The following ROBO1 variants were observed in gnomAD, a reference collection of about 807,000 sequenced individuals.
ROBO1 encodes the protein roundabout guidance receptor 1.
A neutral mutation model predicts 195.9 loss-of-function variants in ROBO1; 149 were observed. The ratio of observed to expected loss-of-function variants is 0.76; its 90% CI spans 0.67 to 0.87. ROBO1 has a LOEUF of 0.87. ROBO1 is among the 40% of genes least tolerant of loss of function. The pLI, the probability that ROBO1 is intolerant of heterozygous loss-of-function variation, is 0.00. For missense variants in ROBO1, 1,933 were observed against 2,068.3 expected, an observed-to-expected ratio of 0.93 and a Z score of 1.27; for synonymous variants, 816 against 733.2, an observed-to-expected ratio of 1.11 and a Z score of -1.82.
chr3:78,644,493 C>G (rs1394063888), intron 21 of ROBO1, among the ~76,000 whole-genome samples: 2 of 152,038 alleles, frequency 1.3e-5, no homozygotes, highest in Non-Finnish European at 2.9e-5. Context: ...GAACTGTTGC[C>G]TCCGTAACAT....
At chr3:79,720,864 C>T (rs1702667706) in intron 1 of ROBO1, among the ~76,000 whole-genome samples, 1 of 150,638 alleles carries the variant, frequency 6.6e-6, no homozygotes, top group East Asian at 2.0e-4. Context: ...GCGATCTCGG[C>T]TCACTGCAAG....
At chr3:78,707,052 T>G (rs968688238) in intron 8 of ROBO1, among the ~76,000 whole-genome samples, 1 of 152,148 alleles carries the variant, frequency 6.6e-6, no homozygotes, top group African/African-American at 2.4e-5. Flanking sequence ...ACTTAAAGAC[T>G]CAGACAAACC....
intron 5 of ROBO1, among the ~76,000 whole-genome samples, chr3:78,724,451 G>A (rs554459480): frequency 2.4e-3 from 365 of 150,874 alleles, no homozygotes; most frequent in Non-Finnish European, 4.2e-3. Flanking sequence ...AGAGGTGGGC[G>A]GATCACCTGA....
intron 2 of ROBO1, among the ~76,000 whole-genome samples, chr3:79,181,520 G>T (rs962801958): frequency 6.6e-6 from 1 of 152,140 alleles, no homozygotes; most frequent in African/African-American, 2.4e-5. Context: ...GATTTCTCTG[G>T]TGTGTAGTGT....
intron 28 of ROBO1, among the ~76,000 whole-genome samples, chr3:78,613,176 C>T (rs548418037): frequency 3.3e-4 from 50 of 151,842 alleles, no homozygotes; most frequent in Admixed American, 1.4e-3. Flanking sequence ...CCAGATTCCC[C>T]TTTGAACAAG....
intron 2 of ROBO1, among the ~76,000 whole-genome samples, chr3:79,555,232 T>C (rs1301403189): frequency 1.3e-5 from 2 of 152,130 alleles, no homozygotes; most frequent in African/African-American, 4.8e-5. Flanking sequence ...CTCATATTAT[T>C]TGGTCAAGTC....
intron 3 of ROBO1, among the ~76,000 whole-genome samples, chr3:78,991,392 G>A (rs1471835765): frequency 6.6e-6 from 1 of 152,168 alleles, no homozygotes; most frequent in Non-Finnish European, 1.5e-5. Flanking sequence ...AGGAACTTTG[G>A]AAGATGGATG....
chr3:79,273,557 G>T (rs914291476), intron 2 of ROBO1, among the ~76,000 whole-genome samples: 1 of 151,792 alleles, frequency 6.6e-6, no homozygotes, highest in Non-Finnish European at 1.5e-5. Flanking sequence ...CCTATCACAA[G>T]ATAAAATCAC....
intron 4 of ROBO1, among the ~76,000 whole-genome samples, chr3:78,791,299 T>C (rs549617371): frequency 6.6e-6 from 1 of 152,290 alleles, no homozygotes; most frequent in South Asian, 2.1e-4. Flanking sequence ...CTCTCTCCTA[T>C]AGATTAAAAT....
chr3:79,627,815 C>A (rs1300451041), intron 1 of ROBO1, among the ~76,000 whole-genome samples: 1 of 152,032 alleles, frequency 6.6e-6, no homozygotes, highest in Non-Finnish European at 1.5e-5. Flanking sequence ...AAAAAAGCAA[C>A]CCCATCAAAA....
intron 3 of ROBO1, among the ~76,000 whole-genome samples, chr3:78,975,015 A>G (rs1229857831): frequency 1.3e-5 from 2 of 152,120 alleles, no homozygotes. Context: ...ATTAAATCAG[A>G]GCCAGAAAGT....
At chr3:79,711,028 T>C (rs956887224) in intron 1 of ROBO1, among the ~76,000 whole-genome samples, 10 of 152,186 alleles carry the variant, frequency 6.6e-5, no homozygotes, top group Non-Finnish European at 2.9e-5. Flanking sequence ...GAATGAATAC[T>C]GATAACCTTT....
At chr3:79,492,113 A>G (rs926794856) in intron 2 of ROBO1, among the ~76,000 whole-genome samples, 10 of 152,036 alleles carry the variant, frequency 6.6e-5, no homozygotes, top group Non-Finnish European at 1.5e-4. Context: ...TTGAATTAGG[A>G]CGTAGTTTTG....
intron 4 of ROBO1, among the ~76,000 whole-genome samples, chr3:78,865,440 T>C (rs1366933070): frequency 1.3e-5 from 2 of 151,924 alleles, no homozygotes; most frequent in Non-Finnish European, 2.9e-5. Flanking sequence ...AACCTAAGAA[T>C]GTCTCACAAA....
chr3:78,613,430 C>A lies in ROBO1; in HGVS notation c.4435+1218G>T, dbSNP rs1280378936. Among the ~76,000 whole-genome samples, 9 of 152,288 alleles carry A rather than the reference C, an allele frequency of 5.9e-5. No individual in the cohort carries two copies. The East Asian group carries it at 1.5e-3, about 26-fold the overall frequency. On this transcript the variant is annotated intron_variant, in intron 28 of 30. Coordinates refer to ENST00000464233, the MANE Select transcript of ROBO1 (RefSeq NM_002941.4). ...GATTTATACCTAGTGTTTGTCCCTT[C>A]ACAGAGGCAAACATGCAAAAAGCCA... is the stretch of plus-strand genomic sequence containing the variant.
At chr3:79,723,350 A>C (rs1702781855) in intron 1 of ROBO1, among the ~76,000 whole-genome samples, 1 of 152,168 alleles carries the variant, frequency 6.6e-6, no homozygotes, top group South Asian at 2.1e-4. Flanking sequence ...TTGAAATGTG[A>C]GTTGATGTTC....
chr3:79,763,104 C>A (rs1704800116), intron 1 of ROBO1, among the ~76,000 whole-genome samples: 1 of 151,968 alleles, frequency 6.6e-6, no homozygotes, highest in African/African-American at 2.4e-5. Flanking sequence ...GCTTGTGATG[C>A]ATTTCTAGGT....
At chr3:79,712,725 A>G (rs1014071559) in intron 1 of ROBO1, among the ~76,000 whole-genome samples, 1 of 152,110 alleles carries the variant, frequency 6.6e-6, no homozygotes, top group African/African-American at 2.4e-5. Flanking sequence ...GCTAGAGAAG[A>G]TGAGTCAATA....
At chr3:78,879,852 G>T (rs1482475561) in intron 4 of ROBO1, among the ~76,000 whole-genome samples, 5 of 152,076 alleles carry the variant, frequency 3.3e-5, no homozygotes, top group Non-Finnish European at 7.4e-5. Context: ...AGTTCAAACA[G>T]CATTTTACAG....
Sources: allele counts gnomAD v4.1 joint callset (sites outside exome capture counted in the v4.1 genomes callset), GRCh38; gene constraint gnomAD v4.1.1; transcripts MANE v1.5; gene names NCBI Gene and HGNC (gene_info 2026-07-23, HGNC 2026-07-21).